The following TMEM132B variants were observed in gnomAD, a reference collection of about 807,000 sequenced individuals.
The protein encoded by TMEM132B is transmembrane protein 132B.
Under a neutral mutation model 90.8 loss-of-function variants are expected in TMEM132B, and 18 were observed. The ratio of observed to expected loss-of-function variants is 0.20; its 90% confidence interval spans 0.14 to 0.29. The LOEUF is 0.29. Among genes scored for constraint, TMEM132B ranks in the 10% least tolerant of loss-of-function variants. The pLI is 1.00. For missense variants in TMEM132B, 1,096 were observed against 1,326.8 expected, an observed-to-expected ratio of 0.83 and a Z score of 2.70; for synonymous variants, 504 against 523.3, an observed-to-expected ratio of 0.96 and a Z score of 0.50.
At position 125,641,429 on chromosome 12, in the gene TMEM132B, C is replaced by T. The variant is rs114358182; in HGVS notation, c.1438-2647C>T. On this transcript the variant is annotated intron_variant, in intron 5 of 8. Coordinates refer to ENST00000682704, the MANE Select transcript of TMEM132B (RefSeq NM_001366854.1). ...CTGTATATCTAATATATCCTTTGTA[C>T]GTTGTTAGATACCTCAAGTCTTAGT... Among the ~76,000 whole-genome samples, 951 of 152,118 alleles carry T rather than the reference C, an allele frequency of 6.3e-3. 12 individuals are homozygous for T. Among genetic ancestry groups the T allele is most frequent in the African/African-American group, 0.022 (896 of 41,502 alleles).
chr12:125,534,578 A>C (rs765915693), intron 4 of TMEM132B, among the ~76,000 whole-genome samples: 2 of 152,184 alleles, frequency 1.3e-5, no homozygotes, highest in East Asian at 3.8e-4. Flanking sequence ...ACAACAAAAC[A>C]GTAAACAAAA....
chr12:125,608,906 A>G (rs1885760654), intron 5 of TMEM132B, among the ~76,000 whole-genome samples: 1 of 152,204 alleles, frequency 6.6e-6, no homozygotes, highest in African/African-American at 2.4e-5. Context: ...GCTGCTATGA[A>G]GAAATACTAG....
At chr12:125,197,410 C>G (rs551053078) in intron 1 of TMEM132B, among the ~76,000 whole-genome samples, 1 of 152,276 alleles carries the variant, frequency 6.6e-6, no homozygotes, top group South Asian at 2.1e-4. Context: ...CTGTTTGACC[C>G]TTAGGCGGCC....
chr12:125,286,663 G>T (rs964286713), intron 1 of TMEM132B, among the ~76,000 whole-genome samples: 1 of 152,060 alleles, frequency 6.6e-6, no homozygotes, highest in Non-Finnish European at 1.5e-5. Flanking sequence ...AAATGAAGGT[G>T]TCAGCAGGGC....
intron 3 of TMEM132B, among the ~76,000 whole-genome samples, chr12:125,439,007 C>T (rs1880784045): frequency 6.6e-6 from 1 of 152,082 alleles, no homozygotes; most frequent in South Asian, 2.1e-4. Flanking sequence ...TATTATAGAT[C>T]TTAGTGCCTA....
chr12:125,578,679 T>A (rs981266327), intron 4 of TMEM132B, among the ~76,000 whole-genome samples: 1 of 152,184 alleles, frequency 6.6e-6, no homozygotes, highest in Admixed American at 6.5e-5. Flanking sequence ...TGTGACAATT[T>A]CTTCATTTTA....
intron 1 of TMEM132B, among the ~76,000 whole-genome samples, chr12:125,239,720 C>T (rs1204229476): frequency 6.6e-6 from 1 of 152,166 alleles, no homozygotes; most frequent in African/African-American, 2.4e-5. Context: ...CCAGGGCTAC[C>T]CTCTGCTCAT....
At chr12:125,310,895 A>T (rs1454054489) in intron 1 of TMEM132B, among the ~76,000 whole-genome samples, 2 of 152,212 alleles carry the variant, frequency 1.3e-5, no homozygotes, top group East Asian at 3.9e-4. Flanking sequence ...CTGAGCAATT[A>T]TAGAAATCAA....
intron 4 of TMEM132B, among the ~76,000 whole-genome samples, chr12:125,529,721 T>G (rs534376865): frequency 6.6e-6 from 1 of 152,352 alleles, no homozygotes; most frequent in Admixed American, 6.5e-5. Context: ...TAGAAAGGTT[T>G]GAAGGCTTCT....
chr12:125,328,594 C>T (rs1196173054), intron 1 of TMEM132B, among the ~76,000 whole-genome samples: 1 of 152,200 alleles, frequency 6.6e-6, no homozygotes, highest in African/African-American at 2.4e-5. Flanking sequence ...ACTCCAGTCT[C>T]TCACTTCATT....
At chr12:125,563,113 A>G (rs1020076454) in intron 4 of TMEM132B, among the ~76,000 whole-genome samples, 2 of 150,780 alleles carry the variant, frequency 1.3e-5, no homozygotes, top group Non-Finnish European at 2.9e-5. Context: ...CAATGGGAAC[A>G]TCAAAGATCA....
chr12:125,284,132 GA>G (rs1482655679), intron 1 of TMEM132B, among the ~76,000 whole-genome samples: 2 of 152,180 alleles, frequency 1.3e-5, no homozygotes, highest in African/African-American at 4.8e-5. Flanking sequence ...TATGGTAGGT[GA>G]TTTTTTGTCT....
chr12:125,462,989 C>T (rs577460426), intron 3 of TMEM132B, among the ~76,000 whole-genome samples: 1 of 152,332 alleles, frequency 6.6e-6, no homozygotes, highest in African/African-American at 2.4e-5. Context: ...CTCTAGAAAG[C>T]TAACTGGTCT....
intron 2 of TMEM132B, among the ~76,000 whole-genome samples, chr12:125,400,754 T>C (rs1253705032): frequency 7.2e-5 from 11 of 152,216 alleles, no homozygotes; most frequent in Admixed American, 7.2e-4. Flanking sequence ...CAATTAAAAG[T>C]ATCCTTGCAG....
At chr12:125,559,430 G>T (rs1183607247) in intron 4 of TMEM132B, among the ~76,000 whole-genome samples, 2 of 152,142 alleles carry the variant, frequency 1.3e-5, no homozygotes, top group African/African-American at 2.4e-5. Context: ...CAGGTACAGG[G>T]TCTGAAAACA....
intron 3 of TMEM132B, among the ~76,000 whole-genome samples, chr12:125,494,601 A>G (rs1369367443): frequency 0.019 from 732 of 38,952 alleles, no homozygotes; most frequent in Middle Eastern, 0.065. Flanking sequence ...CTCCTCCCTG[A>G]AAATGGCCGC....
rs567335156 is a variant in TMEM132B, at chr12:125,661,595, T to C, written c.*6885T>C. The C allele has an allele frequency of 7.9e-5, 12 of 152,232 alleles. No individual in the cohort carries two copies. Among genetic ancestry groups the C allele is most frequent in the African/African-American group, 2.9e-4 (12 of 41,466 alleles). The allele number at this position is 152,232 out of a possible 1,614,324, so 9.4% of individuals were successfully genotyped here. ...TAGTTATCCTCTGCTGTGACCCTTA[T>C]TTTGGACTTCTAGCAAGGGCATTCA... On this transcript the variant is annotated 3_prime_UTR_variant, in exon 9 of 9. Coordinates refer to ENST00000682704, the MANE Select transcript of TMEM132B (RefSeq NM_001366854.1).
intron 1 of TMEM132B, among the ~76,000 whole-genome samples, chr12:125,344,037 T>C (rs1211684338): frequency 6.6e-6 from 1 of 152,218 alleles, no homozygotes; most frequent in East Asian, 1.9e-4. Context: ...TAATTTCTCC[T>C]GCTAGGTACT....
intron 3 of TMEM132B, among the ~76,000 whole-genome samples, chr12:125,508,181 A>G (rs570660633): frequency 4.2e-4 from 64 of 152,262 alleles, no homozygotes; most frequent in African/African-American, 1.4e-3. Flanking sequence ...TTCTAACTCC[A>G]TCCTTTGAGA....
Sources: allele counts gnomAD v4.1 joint callset (sites outside exome capture counted in the v4.1 genomes callset), GRCh38; gene constraint gnomAD v4.1.1; transcripts MANE v1.5; gene names NCBI Gene and HGNC (gene_info 2026-07-23, HGNC 2026-07-21).